Variants in HS3ST3B1 observed in about 807,000 individuals in gnomAD.
The protein encoded by HS3ST3B1 is heparan sulfate-glucosamine 3-sulfotransferase 3B1.
HS3ST3B1 carries 13 observed loss-of-function variants against 21.3 expected under a neutral mutation model. That is an observed-to-expected ratio of 0.61 (90% confidence interval 0.40 to 0.97). HS3ST3B1 has a LOEUF of 0.97. Among genes scored for constraint, HS3ST3B1 ranks in the 50% least tolerant of loss-of-function variants. The probability of loss-of-function intolerance (pLI) is 0.00; values close to 1 mark genes in which losing one functional copy is unlikely to be tolerated. For missense variants in HS3ST3B1, 459 were observed against 554.8 expected (o/e 0.83, Z 1.73); for synonymous variants, 234 against 254.8 (o/e 0.92, Z 0.78).
chr17:14,311,973 G>A (rs1279584164), intron 1 of HS3ST3B1, among the ~76,000 whole-genome samples: 3 of 152,122 alleles, frequency 2.0e-5, no homozygotes, highest in African/African-American at 7.2e-5. Context: ...ACCATTTAAG[G>A]AGGAAGCAGA....
At position 14,310,944 on chromosome 17, in the gene HS3ST3B1, G is replaced by A. The variant is rs142312842; in HGVS notation, c.554+8872G>A. On this transcript the variant is annotated intron_variant, in intron 1 of 1. Coordinates refer to ENST00000360954, the MANE Select transcript of HS3ST3B1 (RefSeq NM_006041.3). ...GGGATGAGGTAAAGAGAGAAAGGCA[G>A]TGAAGTGATCATTACCTTATCACTG... 3.2e-3 allele frequency among the ~76,000 whole-genome samples: 483 copies of A among 152,328 alleles called. 14 individuals carry two copies. The highest frequency in any genetic ancestry group is 0.027 in the Admixed American group (420 of 15,296).
intron 1 of HS3ST3B1, chr17:14,328,171 A>G (rs1009575975): frequency 6.6e-6 from 1 of 152,222 alleles, no homozygotes; most frequent in East Asian, 1.9e-4. Context: ...AAAAGTTCTC[A>G]TAGAATGTAA....
rs559310406 is a variant in HS3ST3B1 at position 14,302,443 on chromosome 17, G to A, written c.554+371G>A. Among the ~76,000 whole-genome samples, 4 of 152,262 alleles carry A rather than the reference G, an allele frequency of 2.6e-5. 1 individual carries two copies. In the South Asian group the frequency reaches 8.3e-4, roughly 32 times the overall value. ...TCGTTTTAAATTTTTTCCTCCCGGA[G>A]CCCGAGACGCTGGGAATGTTCTGAG... On this transcript the variant is annotated intron_variant, in intron 1 of 1. Coordinates refer to ENST00000360954, the MANE Select transcript of HS3ST3B1 (RefSeq NM_006041.3).
intron 1 of HS3ST3B1, among the ~76,000 whole-genome samples, chr17:14,344,339 C>T (rs1242494074): frequency 6.6e-6 from 1 of 152,182 alleles, no homozygotes; most frequent in African/African-American, 2.4e-5. Context: ...GATCCCATCA[C>T]CCAGGTAGTG....
intron 1 of HS3ST3B1, among the ~76,000 whole-genome samples, chr17:14,331,773 G>A (rs889602367): frequency 1.3e-5 from 2 of 152,178 alleles, no homozygotes; most frequent in African/African-American, 4.8e-5. Flanking sequence ...TCCCAAAGGA[G>A]TTCTTTGATA....
At chr17:14,334,077 A>G (rs1452399904) in intron 1 of HS3ST3B1, among the ~76,000 whole-genome samples, 2 of 152,150 alleles carry the variant, frequency 1.3e-5, no homozygotes, top group Non-Finnish European at 2.9e-5. Context: ...GAGAACCTTT[A>G]AATATCGATG....
At chr17:14,311,556 G>A (rs764338366) in intron 1 of HS3ST3B1, among the ~76,000 whole-genome samples, 26 of 152,176 alleles carry the variant, frequency 1.7e-4, no homozygotes, top group African/African-American at 5.8e-4. Context: ...CTCAGGGTCC[G>A]TAGGTTTACA....
intron 1 of HS3ST3B1, among the ~76,000 whole-genome samples, chr17:14,326,483 C>A (rs1324972066): frequency 6.6e-6 from 1 of 152,186 alleles, no homozygotes; most frequent in Admixed American, 6.5e-5. Flanking sequence ...TATTTGCCAT[C>A]ATGTCTTAAA....
chr17:14,306,900 T>G (rs891318927), intron 1 of HS3ST3B1, among the ~76,000 whole-genome samples: 5 of 152,196 alleles, frequency 3.3e-5, no homozygotes, highest in African/African-American at 1.2e-4. Flanking sequence ...GCTCTCAAGA[T>G]TTATTAGCAA....
chr17:14,323,484 A>G (rs1909717878), intron 1 of HS3ST3B1, among the ~76,000 whole-genome samples: 1 of 152,312 alleles, frequency 6.6e-6, no homozygotes, highest in Middle Eastern at 3.4e-3. Flanking sequence ...AATCAGGTCC[A>G]TAGTCATTTG....
chr17:14,321,719 G>T (rs1412258523), intron 1 of HS3ST3B1, among the ~76,000 whole-genome samples: 2 of 151,934 alleles, frequency 1.3e-5, no homozygotes, highest in African/African-American at 4.8e-5. Context: ...AAAAATACAG[G>T]CTAAAGTACA....
chr17:14,305,170 G>GCA (rs1367061367), intron 1 of HS3ST3B1: 1 of 152,254 alleles, frequency 6.6e-6, no homozygotes, highest in Non-Finnish European at 1.5e-5. Context: ...GTGCTAGTAC[G>GCA]CACTGTCCAT....
chr17:14,331,882 AAGG>A (rs1910024755), intron 1 of HS3ST3B1, among the ~76,000 whole-genome samples: 3 of 152,094 alleles, frequency 2.0e-5, no homozygotes, highest in Admixed American at 6.5e-5. Context: ...CTAGGAAAGG[AAGG>A]AGGTTCCAGA....
intron 1 of HS3ST3B1, among the ~76,000 whole-genome samples, chr17:14,336,335 G>A (rs1368523313): frequency 6.6e-6 from 1 of 152,186 alleles, no homozygotes; most frequent in Non-Finnish European, 1.5e-5. Context: ...GCTATAGGAG[G>A]AGGGATATCA....
Position 14,301,149 on chromosome 17 carries a change from A to C in HS3ST3B1, c.-370A>C. The stretch of plus-strand genomic sequence containing the variant: ...TCGAGGCTCAGTTCTTAGGACTGCA[A>C]GGAGGCAGCCCCGGCGTGCGGCGGT... On this transcript the variant is annotated 5_prime_UTR_variant, in exon 1 of 2. Coordinates refer to ENST00000360954, the MANE Select transcript of HS3ST3B1 (RefSeq NM_006041.3). The C allele has an allele frequency of 4.2e-6, 1 of 236,826 alleles. No homozygotes were observed. Among genetic ancestry groups the C allele is most frequent in the Non-Finnish European group, 8.1e-6 (1 of 123,912 alleles). The allele number at this position is 236,826 out of a possible 1,614,324, so 14.7% of individuals were successfully genotyped here. A position where few individuals can be genotyped will look rare whatever the true frequency, so the allele number is the denominator to read the frequency against.
intron 1 of HS3ST3B1, chr17:14,329,315 G>GAGAAAGAAAGAAAGAAAGAAAGAA (rs1555549452): frequency 3.1e-4 from 29 of 94,776 alleles, no homozygotes; most frequent in East Asian, 9.4e-4. Flanking sequence ...GAGAGAAAGA[G>GAGAAAGAAAGAAAGAAAGAAAGAA]AGAAAGAAAG....
intron 1 of HS3ST3B1, among the ~76,000 whole-genome samples, chr17:14,334,652 C>G (rs1332668530): frequency 6.6e-6 from 1 of 152,180 alleles, no homozygotes; most frequent in Non-Finnish European, 1.5e-5. Flanking sequence ...ATAGTTTACA[C>G]TGGGGTTCAC....
intron 1 of HS3ST3B1, among the ~76,000 whole-genome samples, chr17:14,320,644 G>C (rs536093506): frequency 1.6e-4 from 25 of 152,238 alleles, no homozygotes; most frequent in African/African-American, 5.5e-4. Context: ...GATCAGAAAA[G>C]ATGCCACTCA....
Position 14,302,022 on chromosome 17 carries a change from C to T in HS3ST3B1, c.504C>T (p.Ala168=). ...ACCCCGACGTGCGCGCCGTGGGCGC[C>T]GAGCCCCATTTCTTCGATCGCAGCT... The part of the protein sequence containing the change: ...RVHPDVRAVG[A]EPHFFDRSYD... The change falls in exon 1 of 2, where the codon GCC becomes GCT. Residue 168 remains alanine, a synonymous_variant. Coordinates refer to ENST00000360954, the MANE Select transcript of HS3ST3B1 (RefSeq NM_006041.3). 2 of 1,608,424 alleles carry T rather than the reference C, an allele frequency of 1.2e-6. No individual in the cohort carries two copies. The highest frequency in any genetic ancestry group is 1.7e-6 in the Non-Finnish European group (2 of 1,179,238).
Sources: allele counts gnomAD v4.1 joint callset (sites outside exome capture counted in the v4.1 genomes callset), GRCh38; gene constraint gnomAD v4.1.1; transcripts MANE v1.5; gene names NCBI Gene and HGNC (gene_info 2026-07-23, HGNC 2026-07-21).